The following DSCAML1 variants were observed in gnomAD, a reference collection of about 807,000 sequenced individuals.
DSCAML1 encodes cell adhesion molecule DSCAML1.
Under a neutral mutation model 200.5 loss-of-function variants are expected in DSCAML1, and 38 were observed. The ratio of observed to expected loss-of-function variants is 0.19; its 90% confidence interval spans 0.15 to 0.25. The LOEUF (loss-of-function observed/expected upper bound fraction) is 0.25. DSCAML1 is among the 10% of genes least tolerant of loss of function. The pLI is 1.00. For synonymous variants in DSCAML1, 1,215 were observed against 1,165.0 expected (o/e 1.04, Z -0.87); for missense variants, 2,223 against 2,858.8 (o/e 0.78, Z 5.07).
chr11:117,583,633 A>G (rs767833213), intron 3 of DSCAML1, among the ~76,000 whole-genome samples: 15 of 151,822 alleles, frequency 9.9e-5, no homozygotes, highest in Non-Finnish European at 1.8e-4. Context: ...CCCTCCCCCC[A>G]TCAGCCCCGG....
rs935307251 is a variant in DSCAML1, at chr11:117,444,030, C to T, written c.3718G>A (p.Glu1240Lys). 3.1e-6 allele frequency: 5 copies of T among 1,611,654 alleles called. No individual in the cohort carries two copies. Among genetic ancestry groups the T allele is most frequent in the Non-Finnish European group, 2.5e-6 (3 of 1,178,598 alleles). ...AGCTGCTCTGGACTCGTCTCGTACT[C>T]GCTGGGAGCCTGCGGGGCAGAGGCA... ...SPGSGQPAPSEYETSPEQLFY... is the reference protein window; with the variant it reads ...SPGSGQPAPSKYETSPEQLFY... Residue 1240 changes from glutamate to lysine, a missense_variant, in exon 21 of 33, where the codon GAG (glutamate) becomes AAG (lysine). Coordinates refer to ENST00000651296, the MANE Select transcript of DSCAML1 (RefSeq NM_020693.4).
Position 117,703,693 on chromosome 11 carries a change from C to T in DSCAML1, c.511+73098G>A, listed in dbSNP as rs376146636. Reference sequence around the variant, plus strand: ...AATCTTACATCCTTTAAAAGGCAGCCGAGTGAATGTGGAAGCAAGACGGTT... The same window carrying T: ...AATCTTACATCCTTTAAAAGGCAGCTGAGTGAATGTGGAAGCAAGACGGTT... On this transcript the variant is annotated intron_variant, in intron 3 of 32. Coordinates refer to ENST00000651296, the MANE Select transcript of DSCAML1 (RefSeq NM_020693.4). Among the ~76,000 whole-genome samples the T allele has an allele frequency of 2.6e-5, 4 of 152,294 alleles. No homozygotes were observed. The East Asian group carries it at 5.8e-4, about 22-fold the overall frequency.
At chr11:117,754,528 C>G (rs774281138) in intron 3 of DSCAML1, among the ~76,000 whole-genome samples, 5 of 152,062 alleles carry the variant, frequency 3.3e-5, no homozygotes, top group African/African-American at 7.2e-5. Flanking sequence ...AATGGACGCA[C>G]TCTCATAGAG....
intron 3 of DSCAML1, among the ~76,000 whole-genome samples, chr11:117,733,930 G>A (rs2054272357): frequency 6.6e-6 from 1 of 150,926 alleles, no homozygotes; most frequent in Admixed American, 6.6e-5. Context: ...CAATCTCAGG[G>A]ACCAATTGCA....
intron 3 of DSCAML1, among the ~76,000 whole-genome samples, chr11:117,721,828 G>C (rs1480251189): frequency 6.9e-6 from 1 of 145,490 alleles, no homozygotes. Flanking sequence ...TTTTTTTTGA[G>C]ACAGAGTCTC....
At chr11:117,715,273 C>T (rs995182282) in intron 3 of DSCAML1, among the ~76,000 whole-genome samples, 2 of 152,010 alleles carry the variant, frequency 1.3e-5, no homozygotes, top group Non-Finnish European at 2.9e-5. Flanking sequence ...CTACGCCTAT[C>T]TAAAGACTCA....
At position 117,504,774 on chromosome 11, in the gene DSCAML1, G is replaced by C. The variant is rs2276342; in HGVS notation, c.2182+150C>G. 0.06 allele frequency: 67,393 copies of C among 1,115,642 alleles called. 2,503 individuals carry two copies. The highest frequency in any genetic ancestry group is 0.12 in the African/African-American group (7,736 of 63,312). The allele number at this position is 1,115,642 out of a possible 1,614,324, so 69.1% of individuals were successfully genotyped here. A position where few individuals can be genotyped will look rare whatever the true frequency, so the allele number is the denominator to read the frequency against. ...GGTGGCTGAGGATGACTCCAGGTGA[G>C]GTGTAGCCTGGGGTCCACTGGGGTG... is the stretch of plus-strand genomic sequence containing the variant. On this transcript the variant is annotated intron_variant, in intron 10 of 32. Transcript: ENST00000651296. This position sits in a 1 kb window ranked among gnomAD's most constrained non-coding sequence, Gnocchi z 5.0.
intron 3 of DSCAML1, among the ~76,000 whole-genome samples, chr11:117,557,624 G>A (rs2050583364): frequency 6.6e-6 from 1 of 152,248 alleles, no homozygotes; most frequent in Non-Finnish European, 1.5e-5. Context: ...AGCAGCTCTG[G>A]CTTTGGGTAG....
chr11:117,512,643 T>TGTACACACAC lies in DSCAML1; in HGVS notation c.1783+3823_1783+3824insGTGTGTGTAC, dbSNP rs1555179270. On this transcript the variant is annotated intron_variant, in intron 8 of 32. Transcript: ENST00000651296. The stretch of plus-strand genomic sequence containing the variant: ...GGGAAGGTGTGCATGCAAGCGTGTG[T>TGTACACACAC]ACACACACACACACACACACACACA... Among the ~76,000 whole-genome samples, 186 of 125,226 alleles carry TGTACACACAC rather than the reference T, an allele frequency of 1.5e-3. 1 individual carries two copies. The highest frequency in any genetic ancestry group is 9.4e-3 in the South Asian group (33 of 3,512). The allele number at this position is 125,226 out of a possible 152,430, so 82.2% of individuals were successfully genotyped here.
intron 3 of DSCAML1, among the ~76,000 whole-genome samples, chr11:117,688,831 T>C (rs2053450822): frequency 6.6e-6 from 1 of 152,234 alleles, no homozygotes; most frequent in South Asian, 2.1e-4. Flanking sequence ...ACAAATAGTC[T>C]TCTTTTCCCT....
rs373437018 is a variant in DSCAML1 at position 117,428,284 on chromosome 11, T to C, written c.*44A>G. 39 of 1,106,932 alleles carry C rather than the reference T, an allele frequency of 3.5e-5. No homozygotes were observed. In the African/African-American group the frequency reaches 5.7e-4, roughly 16 times the overall value. The allele number at this position is 1,106,932 out of a possible 1,614,324, so 68.6% of individuals were successfully genotyped here. On this transcript the variant is annotated 3_prime_UTR_variant, in exon 33 of 33. Coordinates refer to ENST00000651296, the MANE Select transcript of DSCAML1 (RefSeq NM_020693.4). ...AAACAGCCGAGCTGGCGTGTGGGGC[T>C]GCGGCGCGGCGCGGTCCAGGCGTGG... is the stretch of plus-strand genomic sequence containing the variant.
chr11:117,588,246 G>A (rs60682387), intron 3 of DSCAML1, among the ~76,000 whole-genome samples: 10,452 of 152,130 alleles, frequency 0.069, 1,196 homozygotes, highest in African/African-American at 0.24. Flanking sequence ...TAGCTCGGGG[G>A]TCGGGGGCTG....
At chr11:117,535,370 G>A (rs1178798211) in intron 3 of DSCAML1, among the ~76,000 whole-genome samples, 1 of 152,200 alleles carries the variant, frequency 6.6e-6, no homozygotes, top group Admixed American at 6.5e-5. Context: ...TCCCAGATGG[G>A]CACTCGGCCA....
At chr11:117,501,243 G>T (rs1042581026) in intron 11 of DSCAML1, among the ~76,000 whole-genome samples, 2 of 152,068 alleles carry the variant, frequency 1.3e-5, no homozygotes, top group South Asian at 2.1e-4. Flanking sequence ...TAGCTGGGGC[G>T]GGGGGTTACT....
chr11:117,719,357 T>C (rs1032140682), intron 3 of DSCAML1, among the ~76,000 whole-genome samples: 1 of 152,098 alleles, frequency 6.6e-6, no homozygotes, highest in African/African-American at 2.4e-5. Flanking sequence ...GGCAGGAGAA[T>C]CACTTGAACC....
chr11:117,521,015 G>A (rs2049876336), intron 6 of DSCAML1, 115 bp downstream of exon 6: 3 of 1,382,816 alleles, frequency 2.2e-6, no homozygotes, highest in East Asian at 2.3e-5. Context: ...CACCGGCCTG[G>A]TGTGTAGTGA....
intron 3 of DSCAML1, among the ~76,000 whole-genome samples, chr11:117,748,802 C>A (rs73585239): frequency 8.4e-4 from 128 of 152,280 alleles, no homozygotes; most frequent in African/African-American, 2.9e-3. Context: ...GTGTTATCTA[C>A]CCCTCCTCTG....
intron 3 of DSCAML1, among the ~76,000 whole-genome samples, chr11:117,569,669 T>G (rs981529058): frequency 6.6e-6 from 1 of 152,202 alleles, no homozygotes. Flanking sequence ...TGGCCACCTT[T>G]CCTCTTCCTG....
In DSCAML1 at chr11:117,687,426, A is replaced by ATTTTAATTTTTT. The variant is rs552784985; in HGVS notation, c.511+89364_511+89365insAAAAAATTAAAA. On this transcript the variant is annotated intron_variant, in intron 3 of 32. Coordinates refer to ENST00000651296, the MANE Select transcript of DSCAML1 (RefSeq NM_020693.4). ...CAGGTGTGCTCCACCATGCCTGGCT[A>ATTTTAATTTTTT]TTTTTTTTTTTTTTTTTTTTTTAGA... Among the ~76,000 whole-genome samples, 148 of 97,652 alleles carry ATTTTAATTTTTT rather than the reference A, an allele frequency of 1.5e-3. 1 individual carries two copies. The highest frequency in any genetic ancestry group is 5.9e-3 in the African/African-American group (143 of 24,312). 64.1% of individuals were successfully genotyped at this position (97,652 alleles called of 152,430 possible).
Sources: gnomAD v4.1 joint callset for allele counts (sites outside exome capture counted in the v4.1 genomes callset) on GRCh38, gnomAD v4.1.1 for gene constraint, Gnocchi (gnomAD v3.1) non-coding constraint, MANE v1.5 for transcripts, NCBI Gene and HGNC (gene_info 2026-07-23, HGNC 2026-07-21) for gene names.